Variants in MAGOH observed in about 807,000 individuals in gnomAD.
The protein encoded by MAGOH is mago homolog, exon junction complex subunit.
In MAGOH, 3 loss-of-function variants were observed where a neutral mutation model predicts 20.9. That is an observed-to-expected ratio of 0.14 (90% confidence interval 0.07 to 0.37). MAGOH has a LOEUF of 0.37. Among genes scored for constraint, MAGOH ranks in the 10% least tolerant of loss-of-function variants. MAGOH has a pLI of 1.00. For missense variants in MAGOH, 66 were observed against 178.1 expected (o/e 0.37, Z 3.58); for synonymous variants, 51 against 61.0 (o/e 0.84, Z 0.76).
At chr1:53,227,202 T>C in intron 4 of MAGOH, 58 bp from the exon 5 acceptor site, 1 of 912,722 alleles carries the variant, frequency 1.1e-6, no homozygotes, top group South Asian at 1.7e-5. Context: ...CAAGTGTCCC[T>C]AAAAAGGAAA....
At chr1:53,230,360 T>C (rs1645580547) in intron 3 of MAGOH, among the ~76,000 whole-genome samples, 1 of 152,226 alleles carries the variant, frequency 6.6e-6, no homozygotes. Flanking sequence ...TCTCCCATTC[T>C]GTTCTCCCTC....
intron 3 of MAGOH, 86 bp from the exon 4 acceptor site, chr1:53,229,040 C>T (rs1645573550): frequency 8.9e-6 from 8 of 895,740 alleles, no homozygotes; most frequent in South Asian, 6.8e-5. Context: ...CCAAATCACA[C>T]AAACTTGACT....
intron 3 of MAGOH, 53 bp downstream of exon 3, chr1:53,233,488 TG>T: frequency 1.6e-6 from 2 of 1,229,834 alleles, no homozygotes; most frequent in Non-Finnish European, 2.4e-6. Context: ...GGAGGGAGTG[TG>T]GGGGGTCTTA....
chr1:53,227,793 C>A (rs1016376409), intron 4 of MAGOH, among the ~76,000 whole-genome samples: 2 of 152,090 alleles, frequency 1.3e-5, no homozygotes, highest in African/African-American at 4.8e-5. Context: ...CCTGCCTCGG[C>A]CTCCCAAAGT....
chr1:53,229,020 T>A, intron 3 of MAGOH, 66 bp from the exon 4 acceptor site: 1 of 1,107,038 alleles, frequency 9.0e-7, no homozygotes, highest in Non-Finnish European at 1.4e-6. Context: ...ACAGAAGGAT[T>A]AATCATTTGC....
At chr1:53,233,688 T>C (rs1645597221) in intron 2 of MAGOH, 36 bp from the exon 3 acceptor site, 1 of 1,354,502 alleles carries the variant, frequency 7.4e-7, no homozygotes, top group Non-Finnish European at 1.1e-6. Context: ...GTATGTTGTA[T>C]CCTTAAGCAG....
chr1:53,234,443 G>A (rs576103268), intron 2 of MAGOH, among the ~76,000 whole-genome samples: 8 of 146,398 alleles, frequency 5.5e-5, no homozygotes, highest in South Asian at 2.1e-4. Flanking sequence ...GTGCGATCTC[G>A]GCTCATTGCG....
chr1:53,234,979 C>T (rs1645604602), intron 2 of MAGOH, among the ~76,000 whole-genome samples: 1 of 152,064 alleles, frequency 6.6e-6, no homozygotes, highest in East Asian at 1.9e-4. Context: ...CAGAACAAGC[C>T]TCATAATTAA....
At chr1:53,233,172 A>G (rs1039121019) in intron 3 of MAGOH, 3 of 162,242 alleles carry the variant, frequency 1.8e-5, no homozygotes, top group African/African-American at 7.2e-5. Flanking sequence ...CAAGAGGAAA[A>G]ACAAGGAAAT....
intron 3 of MAGOH, among the ~76,000 whole-genome samples, chr1:53,230,215 T>C (rs1425359001): frequency 6.6e-6 from 1 of 152,238 alleles, no homozygotes; most frequent in East Asian, 1.9e-4. Flanking sequence ...TTGATTCATA[T>C]ATCCTTTTTG....
At chr1:53,234,337 A>G (rs578221767) in intron 2 of MAGOH, among the ~76,000 whole-genome samples, 1 of 152,262 alleles carries the variant, frequency 6.6e-6, no homozygotes, top group African/African-American at 2.4e-5. Context: ...TGTTGCAGCA[A>G]AAAAGAGACT....
rs1387885138 is a variant in MAGOH at position 53,237,151 on chromosome 1, G to A, written c.88+1210C>T. ...TTTAGTAGAGGCGGGGTTTCACCAT[G>A]TTGGCCAGGCTGGTCTTGAACTCCT... On this transcript the variant is annotated intron_variant, in intron 1 of 4. Transcript: ENST00000371470. Among the ~76,000 whole-genome samples, 4 of 149,812 alleles carry A rather than the reference G, an allele frequency of 2.7e-5. No individual in the cohort carries two copies. The Admixed American group carries it at 2.7e-4, about 10-fold the overall frequency.
intron 4 of MAGOH, among the ~76,000 whole-genome samples, chr1:53,228,136 A>C (rs1645569194): frequency 6.6e-6 from 1 of 152,280 alleles, no homozygotes; most frequent in East Asian, 1.9e-4. Flanking sequence ...TTTTGTAAAA[A>C]ACAATAAATT....
intron 3 of MAGOH, among the ~76,000 whole-genome samples, chr1:53,229,597 A>G (rs1183129074): frequency 6.6e-6 from 1 of 152,156 alleles, no homozygotes; most frequent in Non-Finnish European, 1.5e-5. Flanking sequence ...AATGTGGAGT[A>G]ACATGAATAC....
chr1:53,228,737 C>G, intron 4 of MAGOH, 135 bp downstream of exon 4: 1 of 685,448 alleles, frequency 1.5e-6, no homozygotes, highest in Non-Finnish European at 2.6e-6. Flanking sequence ...TCCTCCCTAA[C>G]AAGAAGGACA....
chr1:53,230,111 A>C lies in MAGOH; in HGVS notation c.259-1157T>G, dbSNP rs138847662. 9.7e-3 allele frequency among the ~76,000 whole-genome samples: 1,475 copies of C among 152,332 alleles called. 9 individuals are homozygous for C. The highest frequency in any genetic ancestry group is 0.016 in the Non-Finnish European group (1,097 of 68,034). On this transcript the variant is annotated intron_variant, in intron 3 of 4. Transcript: ENST00000371470. ...CTACTGGGTGCTGGCTATTGTTCTC[A>C]GTGCTTTGGACAGATAAGTAAAACC...
chr1:53,237,564 C>G (rs1238254630), intron 1 of MAGOH, among the ~76,000 whole-genome samples: 1 of 150,230 alleles, frequency 6.7e-6, no homozygotes, highest in Non-Finnish European at 1.5e-5. Flanking sequence ...ATTCCAGCTA[C>G]TCGGGAGGCT....
At chr1:53,237,910 G>A (rs1456088545) in intron 1 of MAGOH, among the ~76,000 whole-genome samples, 1 of 152,040 alleles carries the variant, frequency 6.6e-6, no homozygotes, top group Non-Finnish European at 1.5e-5. Context: ...TCACAAGGCT[G>A]AGCCCTTCTT....
chr1:53,229,996 CTT>C (rs2100302661), intron 3 of MAGOH, among the ~76,000 whole-genome samples: 1 of 152,308 alleles, frequency 6.6e-6, no homozygotes, highest in East Asian at 1.9e-4. Context: ...TTGATCCCCA[CTT>C]TGTCACTCCC....
Sources: allele counts gnomAD v4.1 joint callset (sites outside exome capture counted in the v4.1 genomes callset), GRCh38; gene constraint gnomAD v4.1.1; transcripts MANE v1.5; gene names NCBI Gene and HGNC (gene_info 2026-07-23, HGNC 2026-07-21).